ERGIC1: variants seen among roughly 807,000 people sequenced by gnomAD.
The protein encoded by ERGIC1 is endoplasmic reticulum-Golgi intermediate compartment protein 1.
In ERGIC1, 19 loss-of-function variants were observed where a neutral mutation model predicts 38.3. The observed-to-expected ratio is 0.50, with a 90% CI of 0.35 to 0.73. The LOEUF is 0.73. ERGIC1 is among the 30% of genes least tolerant of loss of function. The pLI, the probability that ERGIC1 is intolerant of heterozygous loss-of-function variation, is 0.01. For missense variants in ERGIC1, 294 were observed against 389.2 expected (o/e 0.76, Z 2.06); for synonymous variants, 124 against 157.6 (o/e 0.79, Z 1.60).
At chr5:172,944,374 C>G (rs1356484129) in intron 9 of ERGIC1, among the ~76,000 whole-genome samples, 1 of 145,776 alleles carries the variant, frequency 6.9e-6, no homozygotes, top group Non-Finnish European at 1.5e-5. Context: ...TTTTTTTTTT[C>G]TGAGACGGAG....
intron 1 of ERGIC1, chr5:172,867,748 T>C: frequency 4.9e-6 from 1 of 203,312 alleles, no homozygotes. Context: ...CCATTTCCCT[T>C]CCCTGCATTC....
chr5:172,864,338 G>C (rs887564571), intron 1 of ERGIC1, among the ~76,000 whole-genome samples: 4 of 127,994 alleles, frequency 3.1e-5, no homozygotes, highest in Non-Finnish European at 6.2e-5. Flanking sequence ...CATGATCTCA[G>C]CTCACTGCAA....
intron 7 of ERGIC1, among the ~76,000 whole-genome samples, chr5:172,927,999 G>T (rs926573110): frequency 1.3e-5 from 2 of 152,160 alleles, no homozygotes; most frequent in African/African-American, 2.4e-5. Flanking sequence ...CAACGGATAA[G>T]TATACGGCAG....
intron 1 of ERGIC1, among the ~76,000 whole-genome samples, chr5:172,854,492 G>A (rs1761493137): frequency 6.6e-6 from 1 of 152,256 alleles, no homozygotes; most frequent in African/African-American, 2.4e-5. Flanking sequence ...GGGTTTGCAC[G>A]TTCTACCCAC....
chr5:172,888,863 A>G, intron 2 of ERGIC1, 103 bp downstream of exon 2: 1 of 1,113,564 alleles, frequency 9.0e-7, no homozygotes, highest in South Asian at 1.2e-5. Flanking sequence ...AAGGAAAGAC[A>G]GGAGGGAGGA....
chr5:172,944,789 C>T (rs939875596), intron 9 of ERGIC1, among the ~76,000 whole-genome samples: 2 of 152,238 alleles, frequency 1.3e-5, no homozygotes, highest in African/African-American at 2.4e-5. Context: ...GCATCGCTTT[C>T]CAGGTGCAGG....
Position 172,909,703 on chromosome 5 carries a change from C to G in ERGIC1, c.192C>G (p.Asp64Glu). 2 of 1,614,236 alleles carry G rather than the reference C, an allele frequency of 1.2e-6. No homozygotes were observed. Among genetic ancestry groups the G allele is most frequent in the Non-Finnish European group, 1.7e-6 (2 of 1,180,038 alleles). Residue 64 changes from aspartate (D) to glutamate (E), a missense_variant, in exon 4 of 10, where the codon GAC becomes GAG. By Grantham distance (45) the Asp-to-Glu change is conservative. Around this residue, in one of 3 missense-constraint regions of ERGIC1, gnomAD observed 163 missense variants for 225.8 expected, o/e 0.72. Coordinates refer to ENST00000393784, the MANE Select transcript of ERGIC1 (RefSeq NM_001031711.3). ...NELYVDDPDKDSGGKIDVSLN... is the reference protein window; with the variant it reads ...NELYVDDPDKESGGKIDVSLN... ...TCTATGTCGATGACCCAGACAAGGA[C>G]AGCGGTGGCAAGATCGACGTCAGTC...
At chr5:172,876,956 T>G (rs1762151607) in intron 1 of ERGIC1, among the ~76,000 whole-genome samples, 1 of 152,332 alleles carries the variant, frequency 6.6e-6, no homozygotes, top group African/African-American at 2.4e-5. Context: ...AAAAAAAATT[T>G]AATGAAGCCT....
At chr5:172,929,171 G>GTGTA (rs1414813732) in intron 7 of ERGIC1, among the ~76,000 whole-genome samples, 8 of 151,472 alleles carry the variant, frequency 5.3e-5, no homozygotes, top group Non-Finnish European at 7.4e-5. Context: ...GTGTGTGTGT[G>GTGTA]TATATAAGTA....
intron 1 of ERGIC1, among the ~76,000 whole-genome samples, chr5:172,871,322 G>T (rs1182809884): frequency 2.0e-5 from 3 of 152,116 alleles, no homozygotes; most frequent in Non-Finnish European, 2.9e-5. Context: ...TACGCTCCCT[G>T]CCTCGAGGCC....
At chr5:172,866,885 G>A (rs1051400923) in intron 1 of ERGIC1, 6 of 310,972 alleles carry the variant, frequency 1.9e-5, no homozygotes, top group Non-Finnish European at 3.8e-5. Flanking sequence ...GACTGCCTTT[G>A]TTTGGCTCCC....
At chr5:172,884,270 T>TA (rs1028733905) in intron 1 of ERGIC1, among the ~76,000 whole-genome samples, 5 of 145,464 alleles carry the variant, frequency 3.4e-5, no homozygotes, top group African/African-American at 1.2e-4. Context: ...TTTTTTTTTT[T>TA]AAAGACAGGG....
chr5:172,858,910 A>G (rs1203233961), intron 1 of ERGIC1, among the ~76,000 whole-genome samples: 3 of 152,210 alleles, frequency 2.0e-5, no homozygotes, highest in African/African-American at 7.2e-5. Context: ...AGTACTTTGG[A>G]CAGTCACACC....
chr5:172,938,056 G>A (rs13185405), intron 9 of ERGIC1: 96,182 of 151,990 alleles, frequency 0.63, 31,357 homozygotes, highest in Non-Finnish European at 0.72. Flanking sequence ...AAGATGTGAA[G>A]CCCTGGGAAC....
rs371332030 is a variant in ERGIC1, at chr5:172,850,587, T to C, written c.20+16154T>C. ...GATCCTAGTGCTCCCACCCACTCGC[T>C]GTGTGTCCTTGGGCAGCTCACTTCA... On this transcript the variant is annotated intron_variant, in intron 1 of 9. Transcript: ENST00000393784. Among the ~76,000 whole-genome samples the C allele has an allele frequency of 9.2e-5, 14 of 152,266 alleles. No homozygotes were observed. In the East Asian group the frequency reaches 2.1e-3, roughly 23 times the overall value.
At chr5:172,866,368 G>A in intron 1 of ERGIC1, among the ~76,000 whole-genome samples, 1 of 152,176 alleles carries the variant, frequency 6.6e-6, no homozygotes, top group Non-Finnish European at 1.5e-5. Flanking sequence ...GGACCTATGG[G>A]GAATGCACCG....
rs1764152819 is a variant in ERGIC1, at chr5:172,947,660, C to T, written c.766-3049C>T. On this transcript the variant is annotated intron_variant, in intron 9 of 9. Transcript: ENST00000393784. Reference sequence around the variant, plus strand: ...CCCTTAGCCTTCAGGCTTGCAGTCACTCACCCTGTGACTGAGCCAGTTGCA... The same window carrying T: ...CCCTTAGCCTTCAGGCTTGCAGTCATTCACCCTGTGACTGAGCCAGTTGCA... Among the ~76,000 whole-genome samples, 3 of 152,344 alleles carry T rather than the reference C, an allele frequency of 2.0e-5. No individual in the cohort carries two copies. The East Asian group carries it at 5.8e-4, about 29-fold the overall frequency.
intron 9 of ERGIC1, among the ~76,000 whole-genome samples, chr5:172,944,689 G>C (rs925405308): frequency 6.6e-6 from 1 of 152,194 alleles, no homozygotes; most frequent in African/African-American, 2.4e-5. Flanking sequence ...CCAGAAAACT[G>C]AGGCACTGGG....
chr5:172,914,710 G>A lies in ERGIC1; in HGVS notation c.251-4G>A. The stretch of plus-strand genomic sequence containing the variant: ...TGACTGTTGTCTCCCTTTGGCTCCT[G>A]CAGTGGTTGGGCTTGACATTCAGGA... On this transcript the variant is annotated splice_polypyrimidine_tract_variant and splice_region_variant and intron_variant, in intron 4 of 9. Transcript: ENST00000393784. 1 of 1,614,040 alleles carries A rather than the reference G, an allele frequency of 6.2e-7. No individual in the cohort carries two copies. Among genetic ancestry groups the A allele is most frequent in the Non-Finnish European group, 8.5e-7 (1 of 1,180,030 alleles).
Sources: gnomAD v4.1 joint callset for allele counts (sites outside exome capture counted in the v4.1 genomes callset) on GRCh38, gnomAD v4.1.1 for gene constraint, gnomAD v4.1.1 regional missense constraint, MANE v1.5 for transcripts, NCBI Gene and HGNC (gene_info 2026-07-23, HGNC 2026-07-21) for gene names.